The following SYNJ2BP variants were observed in gnomAD, a reference collection of about 807,000 sequenced individuals.
The protein encoded by SYNJ2BP is synaptojanin 2 binding protein.
In SYNJ2BP, 10 loss-of-function variants were observed where a neutral mutation model predicts 16.9. That is an observed-to-expected ratio of 0.59 (90% CI 0.36 to 1.00). The LOEUF is 1.00. SYNJ2BP is among the 50% of genes least tolerant of loss of function. SYNJ2BP has a pLI of 0.01. For missense variants in SYNJ2BP, 162 were observed against 186.7 expected, an observed-to-expected ratio of 0.87 and a Z score of 0.77; for synonymous variants, 54 against 68.4, an observed-to-expected ratio of 0.79 and a Z score of 1.04.
At chr14:70,402,246 TAAGTCACTGAC>T (rs1246386051) in intron 1 of SYNJ2BP, among the ~76,000 whole-genome samples, 2 of 152,212 alleles carry the variant, frequency 1.3e-5, no homozygotes, top group Admixed American at 1.3e-4. Context: ...TTATGGCTGG[TAAGTCACTGAC>T]AAGAGCTACA....
intron 3 of SYNJ2BP, among the ~76,000 whole-genome samples, chr14:70,374,321 A>C (rs1311203659): frequency 1.3e-5 from 2 of 152,182 alleles, no homozygotes; most frequent in African/African-American, 2.4e-5. Context: ...CTAATCCATT[A>C]CACCCAGATT....
At chr14:70,405,546 A>G (rs1382373910) in intron 1 of SYNJ2BP, among the ~76,000 whole-genome samples, 1 of 152,196 alleles carries the variant, frequency 6.6e-6, no homozygotes, top group African/African-American at 2.4e-5. Flanking sequence ...ATCAAAATCA[A>G]AATTGAGCAT....
intron 2 of SYNJ2BP, among the ~76,000 whole-genome samples, chr14:70,382,485 C>T (rs981638753): frequency 6.6e-6 from 1 of 152,188 alleles, no homozygotes; most frequent in Non-Finnish European, 1.5e-5. Flanking sequence ...AGGCTCACCA[C>T]GGGATCTCAT....
chr14:70,396,636 A>G (rs552687116), intron 1 of SYNJ2BP, among the ~76,000 whole-genome samples: 2 of 151,196 alleles, frequency 1.3e-5, no homozygotes, highest in Non-Finnish European at 2.9e-5. Flanking sequence ...ATATATATGT[A>G]TGTGTATATA....
chr14:70,380,957 T>C, intron 2 of SYNJ2BP, among the ~76,000 whole-genome samples: 1 of 152,222 alleles, frequency 6.6e-6, no homozygotes, highest in Non-Finnish European at 1.5e-5. Context: ...TCAACATGTA[T>C]CTCAGCTGAT....
chr14:70,382,235 C>T (rs376146815), intron 2 of SYNJ2BP, among the ~76,000 whole-genome samples: 3 of 151,324 alleles, frequency 2.0e-5, no homozygotes, highest in Admixed American at 1.3e-4. Flanking sequence ...GACTCTGTCT[C>T]GAACAAAACA....
chr14:70,403,755 T>C (rs1180456276), intron 1 of SYNJ2BP, among the ~76,000 whole-genome samples: 2 of 152,232 alleles, frequency 1.3e-5, no homozygotes, highest in Non-Finnish European at 2.9e-5. Context: ...AGACATTCTT[T>C]TATTTGTTTA....
chr14:70,403,820 T>G (rs1888291324), intron 1 of SYNJ2BP, among the ~76,000 whole-genome samples: 1 of 152,204 alleles, frequency 6.6e-6, no homozygotes, highest in Non-Finnish European at 1.5e-5. Context: ...CTTTCTTGCG[T>G]GAGATCCAAG....
In SYNJ2BP at chr14:70,368,144, T is replaced by C. The variant is rs943520205; in HGVS notation, c.*4847A>G. ...GCTTATTTACACAATAAAAACAATG[T>C]CCACCATAAAAAAAAAAGTCTCTAG... On this transcript the variant is annotated 3_prime_UTR_variant, in exon 4 of 4. Coordinates refer to ENST00000256366, the MANE Select transcript of SYNJ2BP (RefSeq NM_018373.3). The C allele has an allele frequency of 6.6e-6, 1 of 151,600 alleles. No homozygotes were observed. The highest frequency in any genetic ancestry group is 1.5e-5 in the Non-Finnish European group (1 of 68,016). 9.4% of individuals were successfully genotyped at this position (151,600 alleles called of 1,614,324 possible).
intron 1 of SYNJ2BP, among the ~76,000 whole-genome samples, chr14:70,403,274 A>G (rs1888278522): frequency 6.6e-6 from 1 of 152,218 alleles, no homozygotes; most frequent in Non-Finnish European, 1.5e-5. Context: ...GTATGTCTCT[A>G]TGTTTATGTG....
In SYNJ2BP at chr14:70,370,683, CGT is replaced by C. The variant is rs1444538173; in HGVS notation, c.*2306_*2307del. ...CTGCATATCTTCTTTGTTGCTGCAT[CGT>C]GTTTTGCATGGTACCCCTTTAATAT... is the stretch of plus-strand genomic sequence containing the variant. On this transcript the variant is annotated 3_prime_UTR_variant, in exon 4 of 4. Coordinates refer to ENST00000256366, the MANE Select transcript of SYNJ2BP (RefSeq NM_018373.3). 1 of 152,086 alleles carries C rather than the reference CGT, an allele frequency of 6.6e-6. No individual in the cohort carries two copies. The highest frequency in any genetic ancestry group is 1.5e-5 in the Non-Finnish European group (1 of 68,032). 9.4% of individuals were successfully genotyped at this position (152,086 alleles called of 1,614,324 possible).
Position 70,372,693 on chromosome 14 carries a change from G to A in SYNJ2BP, c.*298C>T, listed in dbSNP as rs1166369202. The A allele has an allele frequency of 1.1e-5, 3 of 267,068 alleles. No homozygotes were observed. Among genetic ancestry groups the A allele is most frequent in the Non-Finnish European group, 1.4e-5 (2 of 143,078 alleles). The allele number at this position is 267,068 out of a possible 1,614,324, so 16.5% of individuals were successfully genotyped here. A position where few individuals can be genotyped will look rare whatever the true frequency, so the allele number is the denominator to read the frequency against. ...AAAAAAGGTATTGCCTATGGTGACAGGAAGACTCAATCTTTCTCTCTTTGG... is the reference window on the plus strand; with the variant it reads ...AAAAAAGGTATTGCCTATGGTGACAAGAAGACTCAATCTTTCTCTCTTTGG... On this transcript the variant is annotated 3_prime_UTR_variant, in exon 4 of 4. Coordinates refer to ENST00000256366, the MANE Select transcript of SYNJ2BP (RefSeq NM_018373.3).
chr14:70,379,223 A>T (rs1033604803), intron 2 of SYNJ2BP, among the ~76,000 whole-genome samples: 18 of 152,226 alleles, frequency 1.2e-4, no homozygotes, highest in African/African-American at 4.1e-4. Flanking sequence ...AGGTCTCCAG[A>T]TTAATCTTCC....
Position 70,369,313 on chromosome 14 carries a change from CA to C in SYNJ2BP, c.*3677del, listed in dbSNP as rs1202358343. 1.3e-5 allele frequency: 2 copies of C among 152,144 alleles called. No individual in the cohort carries two copies. The highest frequency in any genetic ancestry group is 2.9e-5 in the Non-Finnish European group (2 of 68,046). 9.4% of individuals were successfully genotyped at this position (152,144 alleles called of 1,614,324 possible). A position where few individuals can be genotyped will look rare whatever the true frequency, so the allele number is the denominator to read the frequency against. ...TTCACCACATTGTGCAGGCTGGTCTCAAAACTCCTGAGCTCAAGTGACCCAC... is the reference window on the plus strand; with the variant it reads ...TTCACCACATTGTGCAGGCTGGTCTCAAACTCCTGAGCTCAAGTGACCCAC... On this transcript the variant is annotated 3_prime_UTR_variant, in exon 4 of 4. Coordinates refer to ENST00000256366, the MANE Select transcript of SYNJ2BP (RefSeq NM_018373.3).
At chr14:70,383,744 T>C (rs764450012) in intron 2 of SYNJ2BP, among the ~76,000 whole-genome samples, 8 of 152,150 alleles carry the variant, frequency 5.3e-5, no homozygotes, top group Non-Finnish European at 1.2e-4. Flanking sequence ...ATTCTAATAA[T>C]AAACCATTCT....
intron 1 of SYNJ2BP, among the ~76,000 whole-genome samples, chr14:70,397,712 T>C (rs1419362275): frequency 1.3e-5 from 2 of 152,184 alleles, no homozygotes; most frequent in African/African-American, 4.8e-5. Context: ...CTCAGATACA[T>C]GAAGGGTTGC....
At chr14:70,405,837 A>G (rs1405789121) in intron 1 of SYNJ2BP, among the ~76,000 whole-genome samples, 1 of 152,234 alleles carries the variant, frequency 6.6e-6, no homozygotes, top group Non-Finnish European at 1.5e-5. Flanking sequence ...AAAAAGAGAA[A>G]AAGATGTGTT....
At chr14:70,394,458 C>CTTTTTTTTTTTTT (rs533858770) in intron 1 of SYNJ2BP, among the ~76,000 whole-genome samples, 1 of 133,370 alleles carries the variant, frequency 7.5e-6, no homozygotes, top group Non-Finnish European at 1.6e-5. Flanking sequence ...TGGGATTCAA[C>CTTTTTTTTTTTTT]TTTTTTTTTT....
intron 2 of SYNJ2BP, among the ~76,000 whole-genome samples, chr14:70,386,655 TTTGTATC>T (rs1294700531): frequency 2.0e-5 from 3 of 152,196 alleles, no homozygotes; most frequent in Non-Finnish European, 4.4e-5. Flanking sequence ...TCTCTTTTCC[TTTGTATC>T]TCTGCCTTCA....
Sources: allele counts gnomAD v4.1 joint callset (sites outside exome capture counted in the v4.1 genomes callset), GRCh38; gene constraint gnomAD v4.1.1; transcripts MANE v1.5; gene names NCBI Gene and HGNC (gene_info 2026-07-23, HGNC 2026-07-21).